Variants in CLDN14 observed in about 807,000 individuals in gnomAD.
CLDN14 encodes the protein claudin 14, also known as claudin-14.
A neutral mutation model predicts 2.1 loss-of-function variants in CLDN14; 2 were observed. The ratio of observed to expected loss-of-function variants is 0.96; its 90% CI spans 0.39 to 3.01. The LOEUF is 3.01. CLDN14 is among the 30% of genes most tolerant of loss of function. CLDN14 has a pLI of 0.09. For synonymous variants in CLDN14, 136 were observed against 154.4 expected, an observed-to-expected ratio of 0.88 and a Z score of 0.88; for missense variants, 298 against 328.0, an observed-to-expected ratio of 0.91 and a Z score of 0.71.
At chr21:36,486,906 G>T in intron 2 of CLDN14, 1 of 639,116 alleles carries the variant, frequency 1.6e-6, no homozygotes. Context: ...TGTCTAGAGT[G>T]AGTGTGGTCA....
intron 1 of CLDN14, among the ~76,000 whole-genome samples, chr21:36,568,044 C>G (rs1284684136): frequency 6.6e-6 from 1 of 151,994 alleles, no homozygotes; most frequent in Non-Finnish European, 1.5e-5. Context: ...AGAAAGGCAA[C>G]CGGGAATGGT....
intron 1 of CLDN14, among the ~76,000 whole-genome samples, chr21:36,531,753 G>A (rs901577944): frequency 4.9e-5 from 7 of 144,024 alleles, no homozygotes; most frequent in African/African-American, 1.0e-4. Flanking sequence ...ATTAAAATAC[G>A]TTTTAAAATC....
intron 2 of CLDN14, among the ~76,000 whole-genome samples, chr21:36,506,959 A>T (rs2146481240): frequency 6.6e-6 from 1 of 152,140 alleles, no homozygotes; most frequent in Non-Finnish European, 1.5e-5. Context: ...TCTCTAAAAA[A>T]ATGAAAATAA....
intron 1 of CLDN14, among the ~76,000 whole-genome samples, chr21:36,574,865 C>T (rs572358826): frequency 6.6e-6 from 1 of 152,114 alleles, no homozygotes; most frequent in African/African-American, 2.4e-5. Context: ...TCTCTAGGAT[C>T]CAGGCCATGA....
chr21:36,496,719 AAGGGAGGG>A (rs1178582028), intron 2 of CLDN14, among the ~76,000 whole-genome samples: 1 of 37,022 alleles, frequency 2.7e-5, no homozygotes. Flanking sequence ...GGAGGGGAGG[AAGGGAGGG>A]AGGAAGGGAG....
intron 1 of CLDN14, among the ~76,000 whole-genome samples, chr21:36,554,805 G>T (rs1040678636): frequency 6.6e-6 from 1 of 152,166 alleles, no homozygotes; most frequent in African/African-American, 2.4e-5. Context: ...GAGGCACTTG[G>T]TAAGTACTGA....
intron 2 of CLDN14, chr21:36,486,749 T>C (rs2086901857): frequency 4.2e-6 from 4 of 942,794 alleles, no homozygotes; most frequent in East Asian, 2.4e-5. Context: ...CTCATTGCCT[T>C]TGGGCTTCCC....
At chr21:36,559,919 A>G (rs2087622260) in intron 1 of CLDN14, among the ~76,000 whole-genome samples, 1 of 152,204 alleles carries the variant, frequency 6.6e-6, no homozygotes, top group South Asian at 2.1e-4. Context: ...TGAATCATTT[A>G]TCTGTATTTC....
At chr21:36,464,568 C>T (rs764432273) in intron 1 of CLDN14, among the ~76,000 whole-genome samples, 17 of 152,196 alleles carry the variant, frequency 1.1e-4, no homozygotes, top group East Asian at 3.9e-4. Context: ...GGACCGGGGC[C>T]GGCTGTCCTA....
At chr21:36,524,041 G>A (rs2087301819) in intron 1 of CLDN14, among the ~76,000 whole-genome samples, 1 of 151,840 alleles carries the variant, frequency 6.6e-6, no homozygotes, top group Non-Finnish European at 1.5e-5. Context: ...CTCTCTCCAA[G>A]CACAAGGAAA....
chr21:36,511,547 C>T (rs956945951), intron 1 of CLDN14, among the ~76,000 whole-genome samples: 20 of 152,128 alleles, frequency 1.3e-4, no homozygotes, highest in African/African-American at 4.8e-4. Context: ...AGTCTCATTC[C>T]TAGTGCCTGA....
intron 1 of CLDN14, among the ~76,000 whole-genome samples, chr21:36,467,958 T>C (rs1253531570): frequency 6.6e-6 from 1 of 152,194 alleles, no homozygotes; most frequent in African/African-American, 2.4e-5. Flanking sequence ...ACTGTGCAGG[T>C]AGAGAATTGG....
At chr21:36,511,834 G>T (rs1031127963) in intron 1 of CLDN14, among the ~76,000 whole-genome samples, 2 of 152,108 alleles carry the variant, frequency 1.3e-5, no homozygotes, top group Admixed American at 6.5e-5. Context: ...AAGTTTGGTT[G>T]GTCTGTTCTG....
In CLDN14 at chr21:36,461,085, G is replaced by A; in HGVS notation, c.611C>T (p.Thr204Ile). ...YQAPPRATTT[T>I]ANTAPAYQPP... ...CTGGTAGGCAGGTGCGGTGTTTGCA[G>A]TGGTCGTGGTGGCCCTGGGCGGGGC... The change falls in exon 2 of 2, where the codon ACT (threonine) becomes ATT (isoleucine). Residue 204 changes from threonine (T) to isoleucine (I), a missense_variant. Transcript: ENST00000399135. 2 of 1,614,156 alleles carry A rather than the reference G, an allele frequency of 1.2e-6. No homozygotes were observed. The highest frequency in any genetic ancestry group is 1.7e-6 in the Non-Finnish European group (2 of 1,180,012).
chr21:36,487,277 C>A (rs1312892034), intron 2 of CLDN14: 1 of 217,074 alleles, frequency 4.6e-6, no homozygotes, highest in South Asian at 6.6e-5. Flanking sequence ...ACCACTGCGC[C>A]CGGCCTGTTG....
upstream of CLDN14, among the ~76,000 whole-genome samples, chr21:36,483,365 A>G (rs2086866289): frequency 6.6e-6 from 1 of 152,198 alleles, no homozygotes; most frequent in Non-Finnish European, 1.5e-5. Flanking sequence ...TTACAACTGG[A>G]GGGCTGCACA....
intron 1 of CLDN14, among the ~76,000 whole-genome samples, chr21:36,468,837 G>A (rs145714412): frequency 1.1e-4 from 17 of 151,274 alleles, no homozygotes; most frequent in African/African-American, 4.1e-4. Flanking sequence ...TTGGCTCAGT[G>A]CAACCTCTGC....
At chr21:36,550,211 G>C (rs1288613442) in intron 1 of CLDN14, among the ~76,000 whole-genome samples, 1 of 152,162 alleles carries the variant, frequency 6.6e-6, no homozygotes, top group African/African-American at 2.4e-5. Flanking sequence ...AAAACACCCA[G>C]TGCATTTCCA....
chr21:36,568,541 C>T (rs2087688426), intron 1 of CLDN14, among the ~76,000 whole-genome samples: 1 of 152,206 alleles, frequency 6.6e-6, no homozygotes, highest in Admixed American at 6.5e-5. Flanking sequence ...TGCAAACATG[C>T]TTTTGGCTGA....
Sources: allele counts gnomAD v4.1 joint callset (sites outside exome capture counted in the v4.1 genomes callset), GRCh38; gene constraint gnomAD v4.1.1; transcripts MANE v1.5; gene names NCBI Gene and HGNC (gene_info 2026-07-23, HGNC 2026-07-21).